The following ZNF654 variants were observed in gnomAD, a reference collection of about 807,000 sequenced individuals.
ZNF654 encodes the protein zinc finger protein 654, also known as melanoma-associated antigen.
ZNF654 carries 19 observed loss-of-function variants against 95.3 expected under a neutral mutation model. That is an observed-to-expected ratio of 0.20 (90% confidence interval 0.14 to 0.29). ZNF654 has a LOEUF of 0.29. Among genes scored for constraint, ZNF654 ranks in the 10% least tolerant of loss-of-function variants. The pLI is 1.00. For missense variants in ZNF654, 1,046 were observed against 1,341.0 expected, an observed-to-expected ratio of 0.78 and a Z score of 3.44; for synonymous variants, 413 against 457.9, an observed-to-expected ratio of 0.90 and a Z score of 1.25.
chr3:88,080,198 G>A (rs988754196), intron 1 of ZNF654, among the ~76,000 whole-genome samples: 13 of 151,990 alleles, frequency 8.6e-5, no homozygotes, highest in African/African-American at 2.9e-4. Context: ...CTCAGCAGTC[G>A]TTTTCAGATT....
At chr3:88,124,518 G>T (rs950436517) in intron 3 of ZNF654, among the ~76,000 whole-genome samples, 1 of 152,140 alleles carries the variant, frequency 6.6e-6, no homozygotes, top group Non-Finnish European at 1.5e-5. Context: ...GGAATGCAAC[G>T]TGGCATATAT....
At chr3:88,067,126 A>G (rs993010935) in intron 1 of ZNF654, among the ~76,000 whole-genome samples, 6 of 152,226 alleles carry the variant, frequency 3.9e-5, no homozygotes, top group African/African-American at 9.6e-5. Context: ...AAGCTTGTCA[A>G]TTATATAAGG....
At position 88,128,984 on chromosome 3, in the gene ZNF654, A is replaced by G. The variant is rs1333362597; in HGVS notation, c.726A>G (p.Ser242=). ...CACTCTTCACATGTCTGTTTATGTC[A>G]CCTGTAGAAGATCAGCTATTCCGGG... ...HQALFTCLFM[S]PVEDQLFREH... The change falls in exon 5 of 9, where the codon TCA becomes TCG. Residue 242 remains serine, a synonymous_variant. Transcript: ENST00000636215. The G allele has an allele frequency of 6.5e-7, 1 of 1,534,240 alleles. No individual in the cohort carries two copies. Among genetic ancestry groups the G allele is most frequent in the Non-Finnish European group, 8.7e-7 (1 of 1,145,922 alleles).
chr3:88,108,995 G>A (rs1204140284), intron 2 of ZNF654, among the ~76,000 whole-genome samples: 2 of 152,038 alleles, frequency 1.3e-5, no homozygotes, highest in African/African-American at 4.8e-5. Context: ...TAGTTAAGAT[G>A]GAAAAGGCGT....
chr3:88,098,096 A>C (rs1352714066), intron 2 of ZNF654, among the ~76,000 whole-genome samples: 1 of 152,154 alleles, frequency 6.6e-6, no homozygotes, highest in East Asian at 1.9e-4. Flanking sequence ...AGACTAATAA[A>C]GAAGAAAAGA....
chr3:88,128,534 GAAA>G (rs1022432412), intron 4 of ZNF654, among the ~76,000 whole-genome samples: 6 of 151,654 alleles, frequency 4.0e-5, no homozygotes, highest in African/African-American at 1.5e-4. Context: ...ACTGAAAGAA[GAAA>G]AAAAATTTTT....
chr3:88,088,771 T>A (rs1319469117), intron 2 of ZNF654, among the ~76,000 whole-genome samples: 1 of 151,538 alleles, frequency 6.6e-6, no homozygotes, highest in East Asian at 1.9e-4. Flanking sequence ...TATGGATGGA[T>A]GGATGGATGG....
chr3:88,090,762 G>A (rs1385201743), intron 2 of ZNF654, among the ~76,000 whole-genome samples: 7 of 152,096 alleles, frequency 4.6e-5, no homozygotes, highest in Admixed American at 3.9e-4. Flanking sequence ...TTTACACCAG[G>A]GGTGTCCAAT....
rs1156322698 is a variant in ZNF654, at chr3:88,139,093, A to T, written c.1424A>T (p.Asn475Ile). 2 of 1,263,198 alleles carry T rather than the reference A, an allele frequency of 1.6e-6. No individual in the cohort carries two copies. The highest frequency in any genetic ancestry group is 3.1e-5 in the East Asian group (1 of 32,676). The allele number at this position is 1,263,198 out of a possible 1,614,324, so 78.2% of individuals were successfully genotyped here. ...LSDKSAVRFL[N>I]ESTLENNAGN... ...GATAAATCAGCAGTTAGATTTCTAA[A>T]TGAAAGCACACTGGAAAATAATGCA... Residue 475 changes from asparagine (N) to isoleucine (I), a missense_variant, in exon 8 of 9, where the codon AAT becomes ATT. Coordinates refer to ENST00000636215, the MANE Select transcript of ZNF654 (RefSeq NM_001350134.2).
At chr3:88,087,373 C>T (rs1475225619) in intron 2 of ZNF654, among the ~76,000 whole-genome samples, 1 of 152,162 alleles carries the variant, frequency 6.6e-6, no homozygotes, top group Admixed American at 6.5e-5. Context: ...CCACACCTGG[C>T]TGAAAATCCT....
chr3:88,105,732 C>T (rs1704697759), intron 2 of ZNF654, among the ~76,000 whole-genome samples: 3 of 152,096 alleles, frequency 2.0e-5, no homozygotes, highest in Admixed American at 2.0e-4. Context: ...GAAATGGCAT[C>T]TTGGTATATT....
chr3:88,088,060 C>T (rs1310917500), intron 2 of ZNF654, among the ~76,000 whole-genome samples: 2 of 152,176 alleles, frequency 1.3e-5, no homozygotes, highest in South Asian at 4.1e-4. Flanking sequence ...CTGAGCATTT[C>T]AGATAAGGGA....
At position 88,139,961 on chromosome 3, in the gene ZNF654, T is replaced by C; in HGVS notation, c.2292T>C (p.Asn764=). 1 of 1,613,694 alleles carries C rather than the reference T, an allele frequency of 6.2e-7. No homozygotes were observed. The highest frequency in any genetic ancestry group is 8.5e-7 in the Non-Finnish European group (1 of 1,179,772). The change falls in exon 8 of 9, where the codon AAT becomes AAC. Residue 764 remains asparagine, a synonymous_variant. Transcript: ENST00000636215. ...VRIFKRIGFL[N]KHAMTVHPTD... is the part of the protein sequence containing the mutation. ...TATTTAAAAGAATTGGGTTTCTAAA[T>C]AAACATGCAATGACCGTACATCCAA...
intron 4 of ZNF654, among the ~76,000 whole-genome samples, chr3:88,126,967 C>G (rs967542606): frequency 6.6e-6 from 1 of 152,122 alleles, no homozygotes; most frequent in South Asian, 2.1e-4. Context: ...CCAAAATTTC[C>G]TTTCAAGGCA....
chr3:88,140,075 TATAGACCACCTTA>T lies in ZNF654; in HGVS notation c.2413_2425del (p.His805IlefsTer62). 6.2e-7 allele frequency: 1 copy of T among 1,613,840 alleles called. No individual in the cohort carries two copies. Among genetic ancestry groups the T allele is most frequent in the Non-Finnish European group, 8.5e-7 (1 of 1,179,794 alleles). ...GGCAATTTGAAGATTCTCAACATTT[TATAGACCACCTTA>T]ATAGACATAGCTATCCAAATGTGTA... On this transcript the variant is annotated frameshift_variant, in exon 8 of 9. Coordinates refer to ENST00000636215, the MANE Select transcript of ZNF654 (RefSeq NM_001350134.2). LOFTEE classifies it high-confidence loss of function.
At chr3:88,086,769 CTGTT>C (rs1333764042) in intron 2 of ZNF654, among the ~76,000 whole-genome samples, 1 of 151,978 alleles carries the variant, frequency 6.6e-6, no homozygotes, top group Non-Finnish European at 1.5e-5. Flanking sequence ...TAGGAAAATC[CTGTT>C]TGTTTGTTTT....
chr3:88,071,693 A>G (rs535563864), intron 1 of ZNF654, among the ~76,000 whole-genome samples: 24 of 152,090 alleles, frequency 1.6e-4, no homozygotes, highest in South Asian at 1.5e-3. Flanking sequence ...AATCTCAGCT[A>G]TTCAGGAGGA....
At chr3:88,122,962 GT>G (rs1265815137) in intron 3 of ZNF654, among the ~76,000 whole-genome samples, 1 of 149,340 alleles carries the variant, frequency 6.7e-6, no homozygotes, top group Non-Finnish European at 1.5e-5. Flanking sequence ...GTGAGCCAAG[GT>G]TGCACCATTG....
At chr3:88,134,963 C>A in intron 6 of ZNF654, 98 bp from the exon 7 acceptor site, 1 of 826,686 alleles carries the variant, frequency 1.2e-6, no homozygotes, top group Non-Finnish European at 1.7e-6. Context: ...CACTCATATA[C>A]ATCCCAGCCA....
Sources: gnomAD v4.1 joint callset for allele counts (sites outside exome capture counted in the v4.1 genomes callset) on GRCh38, gnomAD v4.1.1 for gene constraint, MANE v1.5 for transcripts, NCBI Gene and HGNC (gene_info 2026-07-23, HGNC 2026-07-21) for gene names.